Variants in MTA3 observed in about 807,000 individuals in gnomAD.
MTA3 encodes metastasis-associated protein MTA3.
MTA3 carries 34 observed loss-of-function variants against 83.5 expected under a neutral mutation model. That is an observed-to-expected ratio of 0.41 (90% CI 0.31 to 0.54). MTA3 has a LOEUF of 0.54. MTA3 is among the 20% of genes least tolerant of loss of function. The pLI is 0.33. For missense variants in MTA3, 761 were observed against 726.4 expected (o/e 1.05, Z -0.55); for synonymous variants, 303 against 252.7 (o/e 1.20, Z -1.89).
In MTA3 at chr2:42,708,925, G is replaced by T. The variant is rs756232576; in HGVS notation, c.1354G>T (p.Val452Phe). 5 of 1,613,924 alleles carry T rather than the reference G, an allele frequency of 3.1e-6. No homozygotes were observed. The highest frequency in any genetic ancestry group is 1.7e-5 in the Admixed American group (1 of 60,006). The change falls in exon 14 of 17, where the codon GTC (valine) becomes TTC (phenylalanine). Residue 452 changes from valine (V) to phenylalanine (F), a missense_variant. Physicochemically the swap from Val to Phe is conservative, Grantham distance 50. Transcript: ENST00000405094. ...VSRQAMQGMP[V>F]RNTGSPKSAV... The stretch of plus-strand genomic sequence containing the variant: ...CCGCCAGGCCATGCAGGGAATGCCA[G>T]TCCGAAACACTGGGAGTCCAAAGTC...
Position 42,664,466 on chromosome 2 carries a change from C to CTTTTTTTTTTTTTT in MTA3, c.702+4619_702+4632dup, listed in dbSNP as rs35633597. Among the ~76,000 whole-genome samples, 39 of 85,758 alleles carry CTTTTTTTTTTTTTT rather than the reference C, an allele frequency of 4.5e-4. 15 individuals carry two copies. The highest frequency in any genetic ancestry group is 1.6e-3 in the African/African-American group (33 of 21,052). 56.3% of individuals were successfully genotyped at this position (85,758 alleles called of 152,430 possible). Reference sequence around the variant, plus strand: ...CCTACTACCCCCTCACCCCGCTTACCTTTTTTTTTTTTTTTTTTTTTTTTT... The same window carrying CTTTTTTTTTTTTTT: ...CCTACTACCCCCTCACCCCGCTTACCTTTTTTTTTTTTTTTTTTTTTTTTTTTTTTTTTTTTTTT... On this transcript the variant is annotated intron_variant, in intron 8 of 16. Transcript: ENST00000405094.
rs909496095 is a variant in MTA3, at chr2:42,633,841, AC to A, written c.318-6330del. The stretch of plus-strand genomic sequence containing the variant: ...GAGGCGGAGCTTGCAGTGAGCCGAG[AC>A]CGCGCCACTGCACTCCAACCTGGGC... On this transcript the variant is annotated intron_variant, in intron 4 of 16. Coordinates refer to ENST00000405094, the MANE Select transcript of MTA3 (RefSeq NM_001330442.2). 9.3e-5 allele frequency among the ~76,000 whole-genome samples: 14 copies of A among 151,338 alleles called. No individual in the cohort carries two copies. In the East Asian group the frequency reaches 1.8e-3, roughly 19 times the overall value.
chr2:42,658,071 C>CA (rs59628946), intron 7 of MTA3, among the ~76,000 whole-genome samples: 644 of 51,936 alleles, frequency 0.012, 64 homozygotes, highest in East Asian at 0.035. Flanking sequence ...GACTCTGTCT[C>CA]AAAAAAAAAA....
At chr2:42,749,945 T>C (rs903930937) in intron 16 of MTA3, among the ~76,000 whole-genome samples, 1 of 152,184 alleles carries the variant, frequency 6.6e-6, no homozygotes, top group African/African-American at 2.4e-5. Context: ...AGATACTGTA[T>C]TTTTTCTTCC....
chr2:42,592,443 G>C (rs540748258), intron 3 of MTA3, among the ~76,000 whole-genome samples: 1 of 152,174 alleles, frequency 6.6e-6, no homozygotes, highest in South Asian at 2.1e-4. Context: ...AATTAGCCGG[G>C]TGTGGTGGCA....
chr2:42,684,368 G>T (rs1692194520), intron 9 of MTA3, among the ~76,000 whole-genome samples: 1 of 152,154 alleles, frequency 6.6e-6, no homozygotes, highest in African/African-American at 2.4e-5. Context: ...ACCAATATGG[G>T]CTGATAAATT....
At chr2:42,721,285 C>G (rs542263728) in intron 15 of MTA3, among the ~76,000 whole-genome samples, 1 of 150,516 alleles carries the variant, frequency 6.6e-6, no homozygotes, top group African/African-American at 2.4e-5. Flanking sequence ...AGGTAATATG[C>G]GTTGGGCACT....
At chr2:42,657,998 C>T (rs955913164) in intron 7 of MTA3, among the ~76,000 whole-genome samples, 1 of 130,698 alleles carries the variant, frequency 7.7e-6, no homozygotes, top group Admixed American at 9.3e-5. Context: ...CTTGAACTTG[C>T]GAGACGGAGG....
chr2:42,617,185 G>T (rs916388165), intron 4 of MTA3, among the ~76,000 whole-genome samples: 1 of 152,142 alleles, frequency 6.6e-6, no homozygotes, highest in Non-Finnish European at 1.5e-5. Context: ...ATCCAGTATT[G>T]GATGGAGAAA....
chr2:42,504,374 G>A (rs556305309), intron 2 of MTA3, among the ~76,000 whole-genome samples: 1 of 152,240 alleles, frequency 6.6e-6, no homozygotes, highest in African/African-American at 2.4e-5. Flanking sequence ...CGAGTAGCTG[G>A]GATTACAGGC....
chr2:42,746,407 CA>C (rs1484881787), intron 16 of MTA3, among the ~76,000 whole-genome samples: 2 of 152,072 alleles, frequency 1.3e-5, no homozygotes, highest in Non-Finnish European at 2.9e-5. Context: ...CTTCTGTGAC[CA>C]AATGTGTGGG....
rs907819370 is a variant in MTA3 at position 42,549,994 on chromosome 2, A to T, written c.-140-20443A>T. ...ATCACAGCACTTGTGTTCAAGGAAC[A>T]CTTATTTTACCTAATATTGGCTCCA... On this transcript the variant is annotated intron_variant, in intron 2 of 17. Transcript: ENST00000405592. Among the ~76,000 whole-genome samples the T allele has an allele frequency of 3.3e-5, 5 of 151,902 alleles. No individual in the cohort carries two copies. The Admixed American group carries it at 3.3e-4, about 10-fold the overall frequency.
chr2:42,740,989 C>T (rs2104582561), intron 16 of MTA3, among the ~76,000 whole-genome samples: 1 of 152,366 alleles, frequency 6.6e-6, no homozygotes, highest in Admixed American at 6.5e-5. Context: ...CAGTATAAGG[C>T]TGTTTTGTCT....
intron 5 of MTA3, among the ~76,000 whole-genome samples, chr2:42,642,178 C>T (rs1687756186): frequency 6.6e-6 from 1 of 151,896 alleles, no homozygotes; most frequent in South Asian, 2.1e-4. Flanking sequence ...TATTATAAAC[C>T]AAACATATTT....
At chr2:42,517,643 C>T (rs13392348) in intron 2 of MTA3, among the ~76,000 whole-genome samples, 16,519 of 150,288 alleles carry the variant, frequency 0.11, 1,189 homozygotes, top group Middle Eastern at 0.18. Context: ...CTTTGGGAGG[C>T]GAAGGAAGGT....
intron 7 of MTA3, among the ~76,000 whole-genome samples, chr2:42,657,677 C>T (rs1689289324): frequency 6.6e-6 from 1 of 151,404 alleles, no homozygotes; most frequent in Admixed American, 6.6e-5. Context: ...CATGTAACCC[C>T]AGCACTTTGG....
intron 2 of MTA3, among the ~76,000 whole-genome samples, chr2:42,515,189 G>C (rs1420750666): frequency 6.6e-6 from 1 of 152,046 alleles, no homozygotes; most frequent in Non-Finnish European, 1.5e-5. Flanking sequence ...CTCCTGAGTA[G>C]CTGGGATTAC....
chr2:42,619,174 A>G (rs1168343619), intron 4 of MTA3, among the ~76,000 whole-genome samples: 2 of 152,212 alleles, frequency 1.3e-5, no homozygotes, highest in South Asian at 2.1e-4. Flanking sequence ...TCCATTGTTC[A>G]GTAGTTGATA....
chr2:42,675,436 C>A (rs1385010480), intron 8 of MTA3, among the ~76,000 whole-genome samples: 1 of 152,076 alleles, frequency 6.6e-6, no homozygotes, highest in Non-Finnish European at 1.5e-5. Context: ...CACCCAGCCT[C>A]AAAATTCTTT....
Sources: allele counts gnomAD v4.1 joint callset (sites outside exome capture counted in the v4.1 genomes callset), GRCh38; gene constraint gnomAD v4.1.1; transcripts MANE v1.5; gene names NCBI Gene and HGNC (gene_info 2026-07-23, HGNC 2026-07-21).